SRGAP3: variants seen among roughly 807,000 people sequenced by gnomAD.
The protein encoded by SRGAP3 is SLIT-ROBO Rho GTPase activating protein 3.
Under a neutral mutation model 121.1 loss-of-function variants are expected in SRGAP3, and 39 were observed. That is an observed-to-expected ratio of 0.32 (90% CI 0.25 to 0.42). The LOEUF is 0.42. SRGAP3 is among the 10% of genes least tolerant of loss of function. SRGAP3 has a pLI of 1.00. For missense variants in SRGAP3, 1,213 were observed against 1,470.6 expected (o/e 0.82, Z 2.86); for synonymous variants, 601 against 570.0 (o/e 1.05, Z -0.77).
At chr3:9,338,575 TTG>T (rs1955730195) in intron 1 of SRGAP3, among the ~76,000 whole-genome samples, 1 of 152,212 alleles carries the variant, frequency 6.6e-6, no homozygotes, top group Non-Finnish European at 1.5e-5. Flanking sequence ...TCCCTTCTCT[TTG>T]CAAGTGGCTT....
At position 9,149,582 on chromosome 3, in the gene SRGAP3, GTC is replaced by G. The variant is rs1386765584; in HGVS notation, c.68-24667_68-24666del. On this transcript the variant is annotated intron_variant, in intron 1 of 21. Coordinates refer to ENST00000383836, the MANE Select transcript of SRGAP3 (RefSeq NM_014850.4). The stretch of plus-strand genomic sequence containing the variant: ...AGTCGGGCTCCAAGATGCCTTGAGT[GTC>G]TCTGTTTGCTCTTGCACCCCTGCCA... Among the ~76,000 whole-genome samples, 48 of 152,310 alleles carry G rather than the reference GTC, an allele frequency of 3.2e-4. 1 individual carries two copies. The highest frequency in any genetic ancestry group is 1.9e-4 in the Non-Finnish European group (13 of 68,034).
intron 1 of SRGAP3, among the ~76,000 whole-genome samples, chr3:9,232,707 G>A (rs1422740983): frequency 2.0e-5 from 3 of 152,172 alleles, no homozygotes; most frequent in Non-Finnish European, 2.9e-5. Flanking sequence ...TGAGGCACTT[G>A]TAAAATGCAG....
At chr3:9,243,981 G>A (rs1953738884) in intron 1 of SRGAP3, among the ~76,000 whole-genome samples, 1 of 152,216 alleles carries the variant, frequency 6.6e-6, no homozygotes, top group African/African-American at 2.4e-5. Context: ...AGGAAGAGCA[G>A]GCTGGAGCAG....
chr3:9,058,543 C>T (rs770664722), intron 6 of SRGAP3, 71 bp from the exon 7 acceptor site: 19 of 1,466,974 alleles, frequency 1.3e-5, no homozygotes, highest in Non-Finnish European at 1.8e-5. Flanking sequence ...CTGGCCACCA[C>T]AGTGACTTAC....
intron 3 of SRGAP3, among the ~76,000 whole-genome samples, chr3:9,258,942 G>A (rs933453301): frequency 1.3e-5 from 2 of 152,140 alleles, no homozygotes; most frequent in Non-Finnish European, 2.9e-5. Context: ...GGCAGCCTGC[G>A]ATGTCCTCCT....
intron 5 of SRGAP3, 98 bp downstream of exon 5, chr3:9,064,298 A>C (rs1365926732): frequency 6.6e-7 from 1 of 1,513,780 alleles, no homozygotes; most frequent in Non-Finnish European, 9.1e-7. Flanking sequence ...ACTGGGATGC[A>C]GGGGAATAAG....
intron 3 of SRGAP3, among the ~76,000 whole-genome samples, chr3:9,321,336 T>A (rs918175310): frequency 2.0e-5 from 3 of 151,822 alleles, no homozygotes; most frequent in African/African-American, 4.8e-5. Flanking sequence ...AAATCATGAG[T>A]GATCATAAGT....
In SRGAP3 at chr3:9,032,334, G is replaced by C. The variant is rs565077314; in HGVS notation, c.1539+316C>G. ...TCTCTGACTGTCCCTCAGGTGTTAG[G>C]ACTGCAGTTGCTGAAGCAATGAAGC... On this transcript the variant is annotated intron_variant, in intron 12 of 21. Transcript: ENST00000383836. 2.4e-4 allele frequency among the ~76,000 whole-genome samples: 36 copies of C among 152,338 alleles called. 1 individual carries two copies. Among genetic ancestry groups the C allele is most frequent in the African/African-American group, 8.2e-4 (34 of 41,570 alleles).
At chr3:9,201,145 A>G (rs1387619496) in intron 1 of SRGAP3, among the ~76,000 whole-genome samples, 1 of 152,176 alleles carries the variant, frequency 6.6e-6, no homozygotes, top group African/African-American at 2.4e-5. Flanking sequence ...TTCTAATAGG[A>G]AGGCTCGGTG....
intron 1 of SRGAP3, among the ~76,000 whole-genome samples, chr3:9,134,235 A>C (rs1448535537): frequency 6.6e-6 from 1 of 152,058 alleles, no homozygotes; most frequent in African/African-American, 2.4e-5. Flanking sequence ...GACCCCACCC[A>C]ATTCCAATCT....
intron 3 of SRGAP3, among the ~76,000 whole-genome samples, chr3:9,289,929 G>A (rs1286665329): frequency 2.6e-5 from 4 of 152,090 alleles, no homozygotes; most frequent in African/African-American, 9.7e-5. Context: ...CCAACATGGT[G>A]AAGAAACCCT....
chr3:9,079,997 A>C (rs1947164585), intron 4 of SRGAP3, 28 bp downstream of exon 4: 2 of 1,613,562 alleles, frequency 1.2e-6, no homozygotes, highest in African/African-American at 1.3e-5. Context: ...CCAATCCCAA[A>C]ACAGCAGTGA....
chr3:9,151,322 C>T (rs1350770003), intron 1 of SRGAP3, among the ~76,000 whole-genome samples: 1 of 152,124 alleles, frequency 6.6e-6, no homozygotes, highest in Non-Finnish European at 1.5e-5. Context: ...ACTGGAGGCT[C>T]GTTCGGGATG....
intron 3 of SRGAP3, among the ~76,000 whole-genome samples, chr3:9,318,942 GT>G (rs765430932): frequency 6.6e-6 from 1 of 151,666 alleles, no homozygotes; most frequent in South Asian, 2.1e-4. Context: ...TCCTTATTTT[GT>G]TTTTTCTGAT....
chr3:9,036,581 AAC>A (rs1944755584), intron 11 of SRGAP3: 2 of 152,330 alleles, frequency 1.3e-5, no homozygotes, highest in African/African-American at 4.8e-5. Flanking sequence ...AACAAAACAA[AAC>A]AAAACAAAAC....
At chr3:9,230,291 G>T (rs1378294362) in intron 1 of SRGAP3, among the ~76,000 whole-genome samples, 1 of 152,196 alleles carries the variant, frequency 6.6e-6, no homozygotes, top group East Asian at 1.9e-4. Context: ...TGGCTAAAAG[G>T]TTGCAAACCC....
chr3:9,039,030 T>G (rs639952), intron 10 of SRGAP3, among the ~76,000 whole-genome samples: 1 of 151,908 alleles, frequency 6.6e-6, no homozygotes, highest in African/African-American at 2.4e-5. Flanking sequence ...CCTCCTCACC[T>G]CTTTGCAGCT....
intron 3 of SRGAP3, among the ~76,000 whole-genome samples, chr3:9,285,586 A>AT (rs1702749648): frequency 6.6e-6 from 1 of 152,112 alleles, no homozygotes; most frequent in Non-Finnish European, 1.5e-5. Flanking sequence ...TAGATCTCAC[A>AT]CTTACTTGTT....
intron 3 of SRGAP3, among the ~76,000 whole-genome samples, chr3:9,323,865 A>G (rs1399624374): frequency 6.6e-6 from 1 of 151,696 alleles, no homozygotes; most frequent in Non-Finnish European, 1.5e-5. Context: ...AAAAGGTTTA[A>G]ATTATGATAA....
Sources: allele counts gnomAD v4.1 joint callset (sites outside exome capture counted in the v4.1 genomes callset), GRCh38; gene constraint gnomAD v4.1.1; transcripts MANE v1.5; gene names NCBI Gene and HGNC (gene_info 2026-07-23, HGNC 2026-07-21).